Variants in GLG1 observed in about 807,000 individuals in gnomAD.
GLG1 encodes the protein Golgi apparatus protein 1.
Under a neutral mutation model 160.5 loss-of-function variants are expected in GLG1, and 38 were observed. That is an observed-to-expected ratio of 0.24 (90% confidence interval 0.18 to 0.31). The LOEUF is 0.31. Ranked by LOEUF, GLG1 falls within the 10% of genes least tolerant of loss-of-function variation. GLG1 has a pLI of 1.00. For synonymous variants in GLG1, 644 were observed against 543.4 expected, an observed-to-expected ratio of 1.19 and a Z score of -2.57; for missense variants, 1,373 against 1,505.2, an observed-to-expected ratio of 0.91 and a Z score of 1.45.
chr16:74,494,330 C>T lies in GLG1; in HGVS notation c.1050+430G>A, dbSNP rs541285530. 2.0e-4 allele frequency among the ~76,000 whole-genome samples: 30 copies of T among 150,768 alleles called. No homozygotes were observed. In the South Asian group the frequency reaches 2.3e-3, roughly 12 times the overall value. On this transcript the variant is annotated intron_variant, in intron 6 of 25. Transcript: ENST00000422840. ...AACCCAAGTACCTCACCTCTGAAAG[C>T]GGTGAGCTTTATCAGTCATTTACGT...
At position 74,489,498 on chromosome 16, in the gene GLG1, T is replaced by C. The variant is rs76908564; in HGVS notation, c.1449+1503A>G. Among the ~76,000 whole-genome samples the C allele has an allele frequency of 1.5e-3, 224 of 151,826 alleles. 6 individuals carry two copies. The East Asian group carries it at 0.039, about 26-fold the overall frequency. On this transcript the variant is annotated intron_variant, in intron 8 of 25. Coordinates refer to ENST00000422840, the MANE Select transcript of GLG1 (RefSeq NM_001145667.2). ...AAAAAAAAAAAGGTAGGTTCATTCC[T>C]AACCCCCGCCACAACAACCTTTCTG...
chr16:74,578,529 G>C (rs184399137), intron 1 of GLG1, among the ~76,000 whole-genome samples: 1 of 152,156 alleles, frequency 6.6e-6, no homozygotes, highest in Non-Finnish European at 1.5e-5. Context: ...AGGTAAATAA[G>C]AGTAAAGAGC....
Position 74,452,958 on chromosome 16 carries a change from G to T in GLG1, c.*209C>A. 7.9e-7 allele frequency: 1 copy of T among 1,261,278 alleles called. No individual in the cohort carries two copies. The allele number at this position is 1,261,278 out of a possible 1,614,324, so 78.1% of individuals were successfully genotyped here. On this transcript the variant is annotated 3_prime_UTR_variant, in exon 26 of 26. Transcript: ENST00000422840. ...GCCAAACAAAGGCAGTAACCCCAGCGACCAGCTGCTGCTGCTGCACGGTGA... is the reference window on the plus strand; with the variant it reads ...GCCAAACAAAGGCAGTAACCCCAGCTACCAGCTGCTGCTGCTGCACGGTGA...
chr16:74,590,622 A>C (rs1309251276), intron 1 of GLG1, among the ~76,000 whole-genome samples: 6 of 12,346 alleles, frequency 4.9e-4, no homozygotes, highest in South Asian at 4.2e-3. Flanking sequence ...CTCCGTCTCC[A>C]AAAAAAAAAA....
intron 2 of GLG1, among the ~76,000 whole-genome samples, chr16:74,518,644 G>A (rs1054272918): frequency 2.0e-5 from 3 of 152,074 alleles, no homozygotes; most frequent in Non-Finnish European, 4.4e-5. Context: ...ACATAGGCAT[G>A]GGCAAAGCAA....
chr16:74,521,782 A>G (rs1477902277), intron 2 of GLG1, among the ~76,000 whole-genome samples: 2 of 152,232 alleles, frequency 1.3e-5, no homozygotes, highest in Admixed American at 1.3e-4. Flanking sequence ...AAGTCCTGGC[A>G]GCAGTTCATG....
Position 74,607,032 on chromosome 16 carries a change from C to G in GLG1, c.63G>C (p.Leu21=). 4 of 1,597,344 alleles carry G rather than the reference C, an allele frequency of 2.5e-6. No homozygotes were observed. The highest frequency in any genetic ancestry group is 3.4e-6 in the Non-Finnish European group (4 of 1,174,534). ...GTTTCTCGGCCCCGGCCGCGAATAG[C>G]AGCAGCAGATGCAGCGCCGCCGACA... ...FRLSAALHLL[L]LFAAGAEKLP... Residue 21 remains leucine, a synonymous_variant, in exon 1 of 26, where the codon CTG becomes CTC. Transcript: ENST00000422840.
At chr16:74,578,525 A>G (rs1214936964) in intron 1 of GLG1, among the ~76,000 whole-genome samples, 4 of 152,224 alleles carry the variant, frequency 2.6e-5, no homozygotes, top group Non-Finnish European at 4.4e-5. Flanking sequence ...AATTAGGTAA[A>G]TAAGAGTAAA....
At chr16:74,556,268 T>C (rs2143717974) in intron 1 of GLG1, among the ~76,000 whole-genome samples, 1 of 152,308 alleles carries the variant, frequency 6.6e-6, no homozygotes, top group African/African-American at 2.4e-5. Flanking sequence ...GATATACAGT[T>C]AGGTGCTGGA....
intron 1 of GLG1, among the ~76,000 whole-genome samples, chr16:74,585,217 G>A (rs1193864157): frequency 6.6e-6 from 1 of 151,994 alleles, no homozygotes; most frequent in African/African-American, 2.4e-5. Flanking sequence ...AGACTGGTCT[G>A]GCCAACATGG....
Position 74,452,006 on chromosome 16 carries a change from G to C in GLG1, c.*1161C>G, listed in dbSNP as rs544174334. On this transcript the variant is annotated 3_prime_UTR_variant, in exon 26 of 26. Transcript: ENST00000422840. ...TAACTTTCCACACCCTCTCCACGTAGAGGCACAAAGGAGCTTGTCTGGGAA... is the reference window on the plus strand; with the variant it reads ...TAACTTTCCACACCCTCTCCACGTACAGGCACAAAGGAGCTTGTCTGGGAA... The C allele has an allele frequency of 5.1e-5, 66 of 1,293,478 alleles. 2 individuals are homozygous for C. In the South Asian group the frequency reaches 7.1e-4, roughly 14 times the overall value. The allele number at this position is 1,293,478 out of a possible 1,614,324, so 80.1% of individuals were successfully genotyped here.
At chr16:74,531,789 GC>G (rs1383025453) in intron 2 of GLG1, among the ~76,000 whole-genome samples, 2 of 152,086 alleles carry the variant, frequency 1.3e-5, no homozygotes, top group African/African-American at 4.8e-5. Context: ...ATAGCGTTTG[GC>G]AAAAAGAAGA....
intron 18 of GLG1, among the ~76,000 whole-genome samples, chr16:74,467,141 T>C (rs1205235458): frequency 6.6e-6 from 1 of 151,904 alleles, no homozygotes. Flanking sequence ...GCAATGAGAC[T>C]TATATTGACA....
chr16:74,539,971 TAAAC>T (rs1331633166), intron 1 of GLG1, among the ~76,000 whole-genome samples: 1 of 38,734 alleles, frequency 2.6e-5, no homozygotes, highest in Non-Finnish European at 4.9e-5. Flanking sequence ...AGTGAAAAAA[TAAAC>T]AAATACAAAT....
chr16:74,496,713 T>TACACACACACACAC (rs34221253), intron 4 of GLG1, 69 bp from the exon 5 acceptor site: 2 of 617,570 alleles, frequency 3.2e-6, no homozygotes, highest in East Asian at 2.7e-5. Context: ...AACATTTGGC[T>TACACACACACACAC]ACACACACAC....
intron 1 of GLG1, among the ~76,000 whole-genome samples, chr16:74,579,472 A>G (rs974145642): frequency 5.3e-5 from 8 of 152,128 alleles, no homozygotes; most frequent in Non-Finnish European, 1.0e-4. Flanking sequence ...CTGTAATCCC[A>G]GCACTTTGGG....
At position 74,452,413 on chromosome 16, in the gene GLG1, T is replaced by A. The variant is rs758670931; in HGVS notation, c.*754A>T. On this transcript the variant is annotated 3_prime_UTR_variant, in exon 26 of 26. Coordinates refer to ENST00000422840, the MANE Select transcript of GLG1 (RefSeq NM_001145667.2). ...TCAACTTCACAAACTTCCGGTCCCT[T>A]CCCCTCCCCAGCTGCCCTTGTCTAG... is the stretch of plus-strand genomic sequence containing the variant. 1.3e-4 allele frequency: 151 copies of A among 1,182,198 alleles called. No homozygotes were observed. Among genetic ancestry groups the A allele is most frequent in the Non-Finnish European group, 1.5e-4 (145 of 946,810 alleles). The allele number at this position is 1,182,198 out of a possible 1,614,324, so 73.2% of individuals were successfully genotyped here.
intron 1 of GLG1, among the ~76,000 whole-genome samples, chr16:74,599,466 C>T (rs1958386674): frequency 6.6e-6 from 1 of 152,144 alleles, no homozygotes; most frequent in Non-Finnish European, 1.5e-5. Context: ...GCCTGTAATC[C>T]CACCACTTTG....
At chr16:74,571,534 G>C (rs2018826591) in intron 1 of GLG1, among the ~76,000 whole-genome samples, 2 of 151,902 alleles carry the variant, frequency 1.3e-5, no homozygotes, top group Non-Finnish European at 2.9e-5. Context: ...TTAGCCAGGT[G>C]CCAGCTACTT....
Sources: gnomAD v4.1 joint callset for allele counts (sites outside exome capture counted in the v4.1 genomes callset) on GRCh38, gnomAD v4.1.1 for gene constraint, MANE v1.5 for transcripts, NCBI Gene and HGNC (gene_info 2026-07-23, HGNC 2026-07-21) for gene names.